The following LIMCH1 variants were observed in gnomAD, a reference collection of about 807,000 sequenced individuals.
LIMCH1 encodes the protein LIM and calponin homology domains-containing protein 1.
Under a neutral mutation model 176.5 loss-of-function variants are expected in LIMCH1, and 113 were observed. That is an observed-to-expected ratio of 0.64 (90% CI 0.55 to 0.75). The LOEUF (loss-of-function observed/expected upper bound fraction) is 0.75. Among genes scored for constraint, LIMCH1 ranks in the 30% least tolerant of loss-of-function variants. LIMCH1 has a pLI of 0.00. For missense variants in LIMCH1, 1,674 were observed against 1,814.9 expected (o/e 0.92, Z 1.41); for synonymous variants, 619 against 645.9 (o/e 0.96, Z 0.63).
intron 1 of LIMCH1, among the ~76,000 whole-genome samples, chr4:41,587,581 C>T (rs192649562): frequency 1.8e-3 from 278 of 152,256 alleles, no homozygotes; most frequent in Non-Finnish European, 3.0e-3. Context: ...GTACCTGAGG[C>T]CTTGGTTTAC....
chr4:41,362,759 A>C (rs948648490), intron 1 of LIMCH1, among the ~76,000 whole-genome samples: 1 of 152,154 alleles, frequency 6.6e-6, no homozygotes, highest in Non-Finnish European at 1.5e-5. Flanking sequence ...TTTGGCCCAG[A>C]TTACAGTTTG....
Position 41,419,607 on chromosome 4 carries a change from CT to C in LIMCH1, c.96+58673del, listed in dbSNP as rs1209685458. On this transcript the variant is annotated intron_variant, in intron 1 of 26. Transcript: ENST00000313860. ...CCTTCCTTCCTTCCTTCCTTCCGTC[CT>C]TCCTTCCTTCCTTCCTTCCTTCCTT... 6.2e-3 allele frequency among the ~76,000 whole-genome samples: 344 copies of C among 55,262 alleles called. 22 individuals carry two copies. In the African/African-American group the frequency reaches 0.065, roughly 10 times the overall value. The allele number at this position is 55,262 out of a possible 152,430, so 36.3% of individuals were successfully genotyped here. A position where few individuals can be genotyped will look rare whatever the true frequency, so the allele number is the denominator to read the frequency against.
chr4:41,665,612 A>G (rs746459775), intron 20 of LIMCH1, among the ~76,000 whole-genome samples: 27 of 152,174 alleles, frequency 1.8e-4, no homozygotes, highest in Non-Finnish European at 3.5e-4. Flanking sequence ...TCATTGATCT[A>G]TAGGGAACAC....
intron 1 of LIMCH1, among the ~76,000 whole-genome samples, chr4:41,478,746 T>C (rs1286399842): frequency 6.6e-6 from 1 of 152,186 alleles, no homozygotes; most frequent in South Asian, 2.1e-4. Context: ...CCCATCCTCA[T>C]TGGTAACGTC....
At chr4:41,555,993 C>T (rs936832533) in intron 1 of LIMCH1, among the ~76,000 whole-genome samples, 3 of 152,060 alleles carry the variant, frequency 2.0e-5, no homozygotes, top group Admixed American at 1.3e-4. Context: ...GGTCTGCCTG[C>T]CTCAGTCTCT....
At chr4:41,512,182 G>T (rs2075009803) in intron 2 of LIMCH1, among the ~76,000 whole-genome samples, 1 of 152,162 alleles carries the variant, frequency 6.6e-6, no homozygotes, top group Non-Finnish European at 1.5e-5. Context: ...TGAGAGAAAT[G>T]CAAATCAAAT....
chr4:41,624,068 TA>T (rs2092773755), intron 7 of LIMCH1, among the ~76,000 whole-genome samples: 1 of 152,186 alleles, frequency 6.6e-6, no homozygotes, highest in Non-Finnish European at 1.5e-5. Flanking sequence ...GAGGATAAAA[TA>T]AGAACCAAGA....
rs890137881 is a variant in LIMCH1, at chr4:41,650,290, T to C, written c.2821-103T>C. The stretch of plus-strand genomic sequence containing the variant: ...ACCTCTTCCTTCATTGGACTCTGGT[T>C]ATTAAATGATGATCTTTTGAGGTAA... On this transcript the variant is annotated intron_variant, in intron 17 of 31. Coordinates refer to ENST00000503057, the MANE Select transcript of LIMCH1 (RefSeq NM_001330672.2). The C allele has an allele frequency of 3.8e-6, 3 of 799,742 alleles. No individual in the cohort carries two copies. In the African/African-American group the frequency reaches 5.1e-5, roughly 14 times the overall value. 49.5% of individuals were successfully genotyped at this position (799,742 alleles called of 1,614,324 possible). A position where few individuals can be genotyped will look rare whatever the true frequency, so the allele number is the denominator to read the frequency against.
chr4:41,543,386 T>TA (rs1262880356), intron 1 of LIMCH1, among the ~76,000 whole-genome samples: 4 of 152,194 alleles, frequency 2.6e-5, no homozygotes, highest in Non-Finnish European at 5.9e-5. Context: ...CCTGTGGAGA[T>TA]AGTGTTTTTT....
At chr4:41,675,226 A>G (rs2095175456) in intron 22 of LIMCH1, among the ~76,000 whole-genome samples, 1 of 152,318 alleles carries the variant, frequency 6.6e-6, no homozygotes, top group African/African-American at 2.4e-5. Context: ...GCCTGAAGAT[A>G]CTTCCCTGGG....
Position 41,628,417 on chromosome 4 carries a change from TAAAA to T in LIMCH1, c.1029-1061_1029-1058del, listed in dbSNP as rs34078359. ...CTCTAGACAGCATCAAAGAACTTAT[TAAAA>T]AAAAAAAAAAAAAGAAGGGTCCCTA... is the stretch of plus-strand genomic sequence containing the variant. On this transcript the variant is annotated intron_variant, in intron 8 of 31. Transcript: ENST00000503057. Among the ~76,000 whole-genome samples, 374 of 133,690 alleles carry T rather than the reference TAAAA, an allele frequency of 2.8e-3. 3 individuals carry two copies. The highest frequency in any genetic ancestry group is 9.5e-3 in the African/African-American group (361 of 38,076). 87.7% of individuals were successfully genotyped at this position (133,690 alleles called of 152,430 possible). A position where few individuals can be genotyped will look rare whatever the true frequency, so the allele number is the denominator to read the frequency against.
intron 1 of LIMCH1, among the ~76,000 whole-genome samples, chr4:41,434,186 T>C (rs142423507): frequency 8.5e-5 from 13 of 152,252 alleles, no homozygotes; most frequent in African/African-American, 3.1e-4. Context: ...AGAAGGCAGC[T>C]GAGTTAAGAG....
At chr4:41,484,768 C>A (rs1026199076) in intron 1 of LIMCH1, among the ~76,000 whole-genome samples, 2 of 152,070 alleles carry the variant, frequency 1.3e-5, no homozygotes, top group Non-Finnish European at 2.9e-5. Flanking sequence ...TGAATCTAGG[C>A]ACCATTATTT....
intron 1 of LIMCH1, among the ~76,000 whole-genome samples, chr4:41,567,442 T>C (rs1446645325): frequency 6.6e-6 from 1 of 152,192 alleles, no homozygotes; most frequent in Admixed American, 6.5e-5. Flanking sequence ...ATAAGTAAAG[T>C]ATTTATGCAA....
chr4:41,467,262 A>G (rs1406743210), intron 1 of LIMCH1, among the ~76,000 whole-genome samples: 2 of 151,564 alleles, frequency 1.3e-5, no homozygotes, highest in Non-Finnish European at 2.9e-5. Context: ...TCTTTTGGCT[A>G]TTGTGAATAA....
intron 6 of LIMCH1, 24 bp downstream of exon 6, chr4:41,619,464 T>C (rs2092397465): frequency 6.2e-7 from 1 of 1,602,182 alleles, no homozygotes; most frequent in Non-Finnish European, 8.5e-7. Context: ...ACCGCTGCCC[T>C]CTTCCTGGCT....
intron 1 of LIMCH1, among the ~76,000 whole-genome samples, chr4:41,405,994 T>C: frequency 6.6e-6 from 1 of 152,224 alleles, no homozygotes; most frequent in Non-Finnish European, 1.5e-5. Flanking sequence ...TTGACTTGTG[T>C]CAGGGGAGCA....
At chr4:41,548,956 G>A (rs1259014387) in intron 1 of LIMCH1, among the ~76,000 whole-genome samples, 1 of 152,126 alleles carries the variant, frequency 6.6e-6, no homozygotes, top group African/African-American at 2.4e-5. Flanking sequence ...GTCCTTAGTT[G>A]TCTCATTTGT....
intron 1 of LIMCH1, among the ~76,000 whole-genome samples, chr4:41,404,764 G>A (rs999209208): frequency 2.0e-5 from 3 of 152,158 alleles, no homozygotes; most frequent in Admixed American, 2.0e-4. Flanking sequence ...GGGTGACAGA[G>A]TGAGATTCTG....
Sources: allele counts gnomAD v4.1 joint callset (sites outside exome capture counted in the v4.1 genomes callset), GRCh38; gene constraint gnomAD v4.1.1; transcripts MANE v1.5; gene names NCBI Gene and HGNC (gene_info 2026-07-23, HGNC 2026-07-21).